The following IGFN1 variants were observed in gnomAD, a reference collection of about 807,000 sequenced individuals.
IGFN1 encodes the protein immunoglobulin like and fibronectin type III domain containing 1.
In IGFN1, 253 loss-of-function variants were observed where a neutral mutation model predicts 289.5. The observed-to-expected ratio is 0.87, with a 90% CI of 0.79 to 0.97. The LOEUF (loss-of-function observed/expected upper bound fraction) is 0.97. Ranked by LOEUF, IGFN1 falls within the 50% of genes least tolerant of loss-of-function variation. The probability of loss-of-function intolerance (pLI) is 0.00; values close to 1 mark genes in which losing one functional copy is unlikely to be tolerated. For synonymous variants in IGFN1, 1,706 were observed against 1,788.5 expected (o/e 0.95, Z 1.16); for missense variants, 4,470 against 4,686.1 (o/e 0.95, Z 1.35).
At chr1:201,205,688 G>A (rs1353181118) in intron 11 of IGFN1, among the ~76,000 whole-genome samples, 1 of 152,204 alleles carries the variant, frequency 6.6e-6, no homozygotes, top group Non-Finnish European at 1.5e-5. Context: ...ATAGAAATTT[G>A]CGTTCCAGAT....
At position 201,207,852 on chromosome 1, in the gene IGFN1, C is replaced by T; in HGVS notation, c.2959C>T (p.His987Tyr). ...GGTTCCAGGAGAAATGGGGTCCGGC[C>T]ATGGTGCTGGTTGTAGAGTTTCCCC... ...SGVPGEMGSGHGAGCRVSPRA... is the reference protein window; with the variant it reads ...SGVPGEMGSGYGAGCRVSPRA... Residue 987 changes from histidine (H) to tyrosine (Y), a missense_variant, in exon 12 of 24, where the codon CAT becomes TAT. Around this residue, in one of 8 missense-constraint regions of IGFN1, gnomAD observed 2,011 missense variants for 1,953.4 expected, o/e 1.03. Coordinates refer to ENST00000335211, the MANE Select transcript of IGFN1 (RefSeq NM_001164586.2). 6.5e-7 allele frequency: 1 copy of T among 1,535,884 alleles called. No homozygotes were observed. The highest frequency in any genetic ancestry group is 8.7e-7 in the Non-Finnish European group (1 of 1,146,216).
intron 10 of IGFN1, among the ~76,000 whole-genome samples, chr1:201,204,507 T>A (rs908012913): frequency 2.0e-5 from 3 of 151,904 alleles, no homozygotes; most frequent in Admixed American, 2.0e-4. Context: ...CGTAAGAACA[T>A]GGCTGAATCA....
intron 8 of IGFN1, 23 bp from the exon 9 acceptor site, chr1:201,201,695 GC>G: frequency 8.0e-7 from 1 of 1,244,492 alleles, no homozygotes; most frequent in Non-Finnish European, 1.2e-6. Flanking sequence ...GAGCTCTCCT[GC>G]TGGGTGTTTG....
rs765022182 is a variant in IGFN1, at chr1:201,213,527, C to A, written c.8634C>A (p.Gly2878=). The A allele has an allele frequency of 1.2e-6, 2 of 1,614,024 alleles. No individual in the cohort carries two copies. The highest frequency in any genetic ancestry group is 2.2e-5 in the South Asian group (2 of 91,084). ...GTAGCAGGAGAAGTGGCAAAGACGG[C>A]AGGTTGGACATCTATGGAGAGAGGA... The part of the protein sequence containing the change: ...HLGSRRSGKD[G]RLDIYGERRD... The change falls in exon 12 of 24, where the codon GGC becomes GGA. Residue 2878 remains glycine (G), a synonymous_variant. Coordinates refer to ENST00000335211, the MANE Select transcript of IGFN1 (RefSeq NM_001164586.2).
At position 201,206,884 on chromosome 1, in the gene IGFN1, C is replaced by G; in HGVS notation, c.1991C>G (p.Ala664Gly). The G allele has an allele frequency of 6.5e-7, 1 of 1,536,138 alleles. No homozygotes were observed. The highest frequency in any genetic ancestry group is 8.7e-7 in the Non-Finnish European group (1 of 1,146,404). Residue 664 changes from alanine (A) to glycine (G), a missense_variant, in exon 12 of 24, where the codon GCT becomes GGT. Physicochemically the swap from Ala to Gly is moderately conservative, Grantham distance 60. Coordinates refer to ENST00000335211, the MANE Select transcript of IGFN1 (RefSeq NM_001164586.2). ...VWGGGTGLGE[A>G]GDSNGAGGPG... ...GGTGGTGGGACTGGCCTGGGAGAAG[C>G]TGGAGACAGCAATGGGGCAGGAGGT...
In IGFN1 at chr1:201,212,522, TGCTCTA is replaced by T; in HGVS notation, c.7631_7636del (p.Ala2544_Leu2545del). On this transcript the variant is annotated inframe_deletion, in exon 12 of 24. Transcript: ENST00000335211. ...AAGGTGAGACCTGGGCAGGAATGGCTGCTCTAGGGTCTGGATATGAACGGGACATCT... is the reference window on the plus strand; with the variant it reads ...AAGGTGAGACCTGGGCAGGAATGGCTGGGTCTGGATATGAACGGGACATCT... The T allele has an allele frequency of 6.5e-7, 1 of 1,547,042 alleles. No homozygotes were observed. Among genetic ancestry groups the T allele is most frequent in the Non-Finnish European group, 8.7e-7 (1 of 1,146,866 alleles).
rs1158686101 is a variant in IGFN1 at position 201,228,840 on chromosome 1, A to C, written c.*441A>C. ...GACCTGGGTGAGGACTAGGGCATCA[A>C]GGTCGTGTGTGTGGGTGGGGGCAGC... On this transcript the variant is annotated 3_prime_UTR_variant, in exon 24 of 24. Coordinates refer to ENST00000335211, the MANE Select transcript of IGFN1 (RefSeq NM_001164586.2). The C allele has an allele frequency of 5.7e-6, 1 of 174,270 alleles. No homozygotes were observed. The highest frequency in any genetic ancestry group is 1.2e-5 in the Non-Finnish European group (1 of 82,900). 10.8% of individuals were successfully genotyped at this position (174,270 alleles called of 1,614,324 possible). A position where few individuals can be genotyped will look rare whatever the true frequency, so the allele number is the denominator to read the frequency against.
At chr1:201,201,862 G>GGCTTTGGGGGGGGGGC in intron 9 of IGFN1, 30 bp downstream of exon 9, 1 of 727,670 alleles carries the variant, frequency 1.4e-6, no homozygotes, top group Non-Finnish European at 2.4e-6. Context: ...GGGTGGGGGG[G>GGCTTTGGGGGGGGGGC]ATCTGGCAGG....
intron 5 of IGFN1, among the ~76,000 whole-genome samples, chr1:201,198,338 G>A (rs113595421): frequency 5.1e-4 from 78 of 152,330 alleles, no homozygotes; most frequent in African/African-American, 1.7e-3. Context: ...GTTTCACCAC[G>A]TTGGCCAGGC....
chr1:201,199,317 C>CT lies in IGFN1; in HGVS notation c.368-16dup. 6.4e-7 allele frequency: 1 copy of CT among 1,551,534 alleles called. No homozygotes were observed. Among genetic ancestry groups the CT allele is most frequent in the African/African-American group, 1.4e-5 (1 of 73,160 alleles). Reference sequence around the variant, plus strand: ...TTGTCCACATCGACTCCTTCCTCTCCTCCCTGGATGTTGCAGTTGGCTTTC... The same window carrying CT: ...TTGTCCACATCGACTCCTTCCTCTCCTTCCCTGGATGTTGCAGTTGGCTTTC... On this transcript the variant is annotated splice_polypyrimidine_tract_variant and intron_variant, in intron 5 of 23. Transcript: ENST00000335211.
chr1:201,198,690 A>G (rs534237276), intron 5 of IGFN1, among the ~76,000 whole-genome samples: 129 of 151,858 alleles, frequency 8.5e-4, no homozygotes, highest in Admixed American at 2.1e-3. Flanking sequence ...GCCTCCCAAA[A>G]TGCTGGGATT....
At chr1:201,226,302 C>T (rs1054636461) in intron 22 of IGFN1, among the ~76,000 whole-genome samples, 179 bp downstream of exon 22, 1 of 137,510 alleles carries the variant, frequency 7.3e-6, no homozygotes, top group Admixed American at 7.4e-5. Flanking sequence ...GCCTCACACC[C>T]ACCTGTTCTG....
At chr1:201,193,956 G>A (rs1295866305) in intron 2 of IGFN1, among the ~76,000 whole-genome samples, 198 bp from the exon 3 acceptor site, 1 of 152,130 alleles carries the variant, frequency 6.6e-6, no homozygotes, top group African/African-American at 2.4e-5. Flanking sequence ...GCCAGAGTGT[G>A]TGCCACCAGA....
rs1189698025 is a variant in IGFN1, at chr1:201,218,562, G to C, written c.9802G>C (p.Gly3268Arg). Reference sequence around the variant, plus strand: ...GTGGACGGTGGCGGACGTGCGGCAGGGCTGTCAGTATGAGTTCCGGGTCAC... The same window carrying C: ...GTGGACGGTGGCGGACGTGCGGCAGCGCTGTCAGTATGAGTTCCGGGTCAC... ...RRWTVADVRQ[G>R]CQYEFRVTAV... Residue 3268 changes from glycine (G) to arginine (R), a missense_variant, in exon 18 of 24, where the codon GGC becomes CGC. By Grantham distance (125) the Gly-to-Arg change is moderately radical. Around this residue, in one of 8 missense-constraint regions of IGFN1, gnomAD observed 2,218 missense variants for 2,114.1 expected, o/e 1.05. Coordinates refer to ENST00000335211, the MANE Select transcript of IGFN1 (RefSeq NM_001164586.2). 5 of 1,613,510 alleles carry C rather than the reference G, an allele frequency of 3.1e-6. No individual in the cohort carries two copies. The highest frequency in any genetic ancestry group is 4.2e-6 in the Non-Finnish European group (5 of 1,180,004).
At position 201,211,785 on chromosome 1, in the gene IGFN1, T is replaced by C; in HGVS notation, c.6892T>C (p.Leu2298=). 6.5e-7 allele frequency: 1 copy of C among 1,536,758 alleles called. No individual in the cohort carries two copies. The highest frequency in any genetic ancestry group is 8.7e-7 in the Non-Finnish European group (1 of 1,146,754). ...TTTAGGGGGTTCTGGGAGGAATCCA[T>C]TAGGGAGCGAGGCAGGTTCTAGGGG... is the stretch of plus-strand genomic sequence containing the variant. ...NVLGGSGRNP[L]GSEAGSRGSL... The change falls in exon 12 of 24, where the codon TTA becomes CTA. Residue 2298 remains leucine (L), a synonymous_variant. Coordinates refer to ENST00000335211, the MANE Select transcript of IGFN1 (RefSeq NM_001164586.2).
rs763312911 is a variant in IGFN1, at chr1:201,207,165, G to C, written c.2272G>C (p.Gly758Arg). 1 of 1,536,806 alleles carries C rather than the reference G, an allele frequency of 6.5e-7. No homozygotes were observed. The highest frequency in any genetic ancestry group is 1.4e-5 in the African/African-American group (1 of 72,998). The change falls in exon 12 of 24, where the codon GGT becomes CGT. Residue 758 changes from glycine to arginine, a missense_variant. Transcript: ENST00000335211. Reference sequence around the variant, plus strand: ...TGAAGACTCACTGCAGGAGGCAGATGGTATATGCCGGGGGGAGTCTGTAGT... The same window carrying C: ...TGAAGACTCACTGCAGGAGGCAGATCGTATATGCCGGGGGGAGTCTGTAGT... The part of the protein sequence containing the change: ...KAEDSLQEAD[G>R]ICRGESVVTG...
chr1:201,226,122 C>A lies in IGFN1; in HGVS notation c.10785C>A (p.Arg3595=). The A allele has an allele frequency of 2.5e-6, 4 of 1,586,040 alleles. No homozygotes were observed. The highest frequency in any genetic ancestry group is 2.6e-6 in the Non-Finnish European group (3 of 1,164,992). Reference sequence around the variant, plus strand: ...AGCCCTGGTGCATCCCCCGGCAGCGCGGTAAGCAGCCCCTGAGAGGGAGGA... The same window carrying A: ...AGCCCTGGTGCATCCCCCGGCAGCGAGGTAAGCAGCCCCTGAGAGGGAGGA... ...TSQPWCIPRQ[R]DRFTVKAPCY... Residue 3595 remains arginine (R), a splice_region_variant and synonymous_variant, in exon 22 of 24, where the codon CGC becomes CGA. Transcript: ENST00000335211.
rs1323037860 is a variant in IGFN1 at position 201,215,062 on chromosome 1, G to A, written c.8903G>A (p.Ser2968Asn). 1 of 1,613,976 alleles carries A rather than the reference G, an allele frequency of 6.2e-7. No homozygotes were observed. The highest frequency in any genetic ancestry group is 8.5e-7 in the Non-Finnish European group (1 of 1,180,018). Reference protein sequence around the residue: ...VIFKQDGLVHSLFITHVQGTQ... With the variant: ...VIFKQDGLVHNLFITHVQGTQ... ...TTTAAGCAAGACGGTCTCGTGCACAGCCTCTTCATCACGCATGTGCAGGGG... is the reference window on the plus strand; with the variant it reads ...TTTAAGCAAGACGGTCTCGTGCACAACCTCTTCATCACGCATGTGCAGGGG... The change falls in exon 14 of 24, where the codon AGC (serine) becomes AAC (asparagine). Residue 2968 changes from serine (S) to asparagine (N), a missense_variant. Coordinates refer to ENST00000335211, the MANE Select transcript of IGFN1 (RefSeq NM_001164586.2).
chr1:201,212,003 A>G lies in IGFN1; in HGVS notation c.7110A>G (p.Ser2370=), dbSNP rs748732854. 6.5e-7 allele frequency: 1 copy of G among 1,535,942 alleles called. No homozygotes were observed. The highest frequency in any genetic ancestry group is 1.4e-5 in the African/African-American group (1 of 72,954). Reference sequence around the variant, plus strand: ...CAGGGAGGCTTGGAGTACCAGGCTCACTGGCTGGAATAGGACATGAGGCTG... The same window carrying G: ...CAGGGAGGCTTGGAGTACCAGGCTCGCTGGCTGGAATAGGACATGAGGCTG... The part of the protein sequence containing the change: ...DGSGRLGVPG[S]LAGIGHEAGP... Residue 2370 remains serine, a synonymous_variant, in exon 12 of 24, where the codon TCA becomes TCG. Coordinates refer to ENST00000335211, the MANE Select transcript of IGFN1 (RefSeq NM_001164586.2).
Sources: gnomAD v4.1 joint callset for allele counts (sites outside exome capture counted in the v4.1 genomes callset) on GRCh38, gnomAD v4.1.1 for gene constraint, gnomAD v4.1.1 regional missense constraint, MANE v1.5 for transcripts, NCBI Gene and HGNC (gene_info 2026-07-23, HGNC 2026-07-21) for gene names.